Variants in RGS3 observed in about 807,000 individuals in gnomAD.
The protein encoded by RGS3 is regulator of G-protein signalling 3.
RGS3 carries 80 observed loss-of-function variants against 132.6 expected under a neutral mutation model. The observed-to-expected ratio is 0.60, with a 90% confidence interval of 0.50 to 0.73. The LOEUF (loss-of-function observed/expected upper bound fraction) is 0.73. RGS3 is among the 30% of genes least tolerant of loss of function. RGS3 has a pLI of 0.00. For synonymous variants in RGS3, 598 were observed against 620.6 expected, an observed-to-expected ratio of 0.96 and a Z score of 0.54; for missense variants, 1,382 against 1,530.8, an observed-to-expected ratio of 0.90 and a Z score of 1.62.
intron 19 of RGS3, among the ~76,000 whole-genome samples, chr9:113,542,917 G>T (rs1832964170): frequency 6.6e-6 from 1 of 152,232 alleles, no homozygotes; most frequent in South Asian, 2.1e-4. Flanking sequence ...GGGTGGCCTA[G>T]CAGCTCTAGT....
chr9:113,469,900 G>GTT (rs61167820), intron 3 of RGS3, among the ~76,000 whole-genome samples: 32 of 129,868 alleles, frequency 2.5e-4, no homozygotes, highest in East Asian at 1.5e-3. Context: ...GCATATAGTT[G>GTT]TTTTTTTTTT....
intron 19 of RGS3, among the ~76,000 whole-genome samples, chr9:113,563,944 G>T (rs1262705528): frequency 6.6e-6 from 1 of 152,056 alleles, no homozygotes; most frequent in Admixed American, 6.5e-5. Flanking sequence ...GGTGGGGTGG[G>T]CATGGGAAAA....
chr9:113,533,034 G>A (rs1588211445), intron 18 of RGS3, among the ~76,000 whole-genome samples: 1 of 152,282 alleles, frequency 6.6e-6, no homozygotes, highest in South Asian at 2.1e-4. Context: ...CCAGGTGTTG[G>A]AGATGAGATC....
At chr9:113,459,730 C>G (rs1479796114), upstream of RGS3, among the ~76,000 whole-genome samples, 1 of 151,192 alleles carries the variant, frequency 6.6e-6, no homozygotes, top group African/African-American at 2.4e-5. Flanking sequence ...GAGCGAGATT[C>G]TGTTTCAAAA....
chr9:113,503,838 G>A (rs187926420), intron 10 of RGS3, among the ~76,000 whole-genome samples: 95 of 152,262 alleles, frequency 6.2e-4, no homozygotes, highest in African/African-American at 2.1e-3. Flanking sequence ...GGCCTCAGGC[G>A]GGCCCGGCAA....
At chr9:113,489,248 A>G (rs1486257752) in intron 7 of RGS3, among the ~76,000 whole-genome samples, 2 of 152,196 alleles carry the variant, frequency 1.3e-5, no homozygotes, top group African/African-American at 4.8e-5. Context: ...TAACCCTCAC[A>G]ACAACATAAG....
intron 19 of RGS3, among the ~76,000 whole-genome samples, chr9:113,561,339 C>T (rs1405004716): frequency 1.3e-5 from 2 of 151,602 alleles, no homozygotes; most frequent in African/African-American, 4.8e-5. Flanking sequence ...CTCTTCCCTT[C>T]TCTTCTTTTC....
chr9:113,536,369 A>G (rs1184374283), intron 18 of RGS3: 1 of 504,016 alleles, frequency 2.0e-6, no homozygotes, highest in Non-Finnish European at 2.6e-6. Flanking sequence ...TGTGAGGAAG[A>G]TGGGTTCTGT....
At chr9:113,580,238 C>T (rs1459459765) in intron 19 of RGS3, among the ~76,000 whole-genome samples, 1 of 152,264 alleles carries the variant, frequency 6.6e-6, no homozygotes, top group Non-Finnish European at 1.5e-5. Context: ...GGCTGTTCCT[C>T]CTCCTTCTAC....
chr9:113,456,401 C>G (rs1357593852), upstream of RGS3, among the ~76,000 whole-genome samples: 2 of 152,216 alleles, frequency 1.3e-5, no homozygotes, highest in Non-Finnish European at 2.9e-5. Flanking sequence ...CCCCTCAGTT[C>G]AGCCCTGCCT....
At chr9:113,516,661 T>A (rs1447550646) in intron 15 of RGS3, among the ~76,000 whole-genome samples, 1 of 151,812 alleles carries the variant, frequency 6.6e-6, no homozygotes, top group Non-Finnish European at 1.5e-5. Context: ...ATGCGGCCTG[T>A]GTCTAATTTT....
intron 16 of RGS3, among the ~76,000 whole-genome samples, chr9:113,519,275 A>G (rs1831822382): frequency 6.6e-6 from 1 of 152,096 alleles, no homozygotes; most frequent in African/African-American, 2.4e-5. Context: ...CTGCATAAAG[A>G]CAAACTAAGG....
chr9:113,531,384 A>T (rs1453578737), intron 18 of RGS3, among the ~76,000 whole-genome samples: 1 of 152,198 alleles, frequency 6.6e-6, no homozygotes, highest in East Asian at 1.9e-4. Context: ...TTTCTGAGTG[A>T]TCTGGGGCCA....
upstream of RGS3, among the ~76,000 whole-genome samples, chr9:113,455,716 C>T (rs750583662): frequency 5.9e-5 from 9 of 152,214 alleles, no homozygotes; most frequent in Non-Finnish European, 1.3e-4. Flanking sequence ...CAACCAGCAT[C>T]TGTTTCTGTA....
intron 19 of RGS3, among the ~76,000 whole-genome samples, chr9:113,540,419 A>T (rs1458752822): frequency 1.3e-5 from 2 of 152,210 alleles, no homozygotes; most frequent in Non-Finnish European, 2.9e-5. Flanking sequence ...GTCGCTATGG[A>T]ATTCTCCTAA....
At chr9:113,546,435 G>T (rs952525934) in intron 19 of RGS3, among the ~76,000 whole-genome samples, 1 of 152,146 alleles carries the variant, frequency 6.6e-6, no homozygotes, top group Non-Finnish European at 1.5e-5. Flanking sequence ...ATTTGTCTTT[G>T]ATTCTATTGT....
rs768010517 is a variant in RGS3 at position 113,501,622 on chromosome 9, T to C, written c.897+3542T>C. On this transcript the variant is annotated intron_variant, in intron 10 of 24. Coordinates refer to ENST00000350696, the Ensembl canonical transcript of RGS3. Reference sequence around the variant, plus strand: ...CTGCAAGGTGTGCTCGGAGCGCCGCTACCGCCAGGTGGGTGCTTGGCCTCT... The same window carrying C: ...CTGCAAGGTGTGCTCGGAGCGCCGCCACCGCCAGGTGGGTGCTTGGCCTCT... The C allele has an allele frequency of 1.9e-6, 3 of 1,562,638 alleles. No individual in the cohort carries two copies. In the South Asian group the frequency reaches 3.5e-5, roughly 18 times the overall value.
In RGS3 at chr9:113,505,511, GCC is replaced by G; in HGVS notation, c.968_969del (p.Ala323GlyfsTer23). On this transcript the variant is annotated frameshift_variant, in exon 11 of 25. Coordinates refer to ENST00000350696, the Ensembl canonical transcript of RGS3. LOFTEE classifies it high-confidence loss of function. The stretch of plus-strand genomic sequence containing the variant: ...CTGCGACTCTCCAGTTCGAGTCCAG[GCC>G]GTGGATTCCGGTAAGTTATTGACAG... 1 of 1,614,158 alleles carries G rather than the reference GCC, an allele frequency of 6.2e-7. No homozygotes were observed. Among genetic ancestry groups the G allele is most frequent in the Non-Finnish European group, 8.5e-7 (1 of 1,179,986 alleles).
rs751510103 is a variant in RGS3, at chr9:113,541,429, C to A, written c.2037+4511C>A. The A allele has an allele frequency of 1.9e-6, 3 of 1,613,188 alleles. No homozygotes were observed. The South Asian group carries it at 3.3e-5, about 18-fold the overall frequency. On this transcript the variant is annotated intron_variant, in intron 19 of 24. Coordinates refer to ENST00000350696, the Ensembl canonical transcript of RGS3. ...CCAGGACAGACTCTGATTGGCTGAG[C>A]AAACCCAAGGGCGGGACTCTGCTTC...
Sources: allele counts gnomAD v4.1 joint callset (sites outside exome capture counted in the v4.1 genomes callset), GRCh38; gene constraint gnomAD v4.1.1; transcripts MANE v1.5; gene names NCBI Gene and HGNC (gene_info 2026-07-23, HGNC 2026-07-21).